The following PCDH17 variants were observed in gnomAD, a reference collection of about 807,000 sequenced individuals.
PCDH17 encodes the protein protocadherin-17.
In PCDH17, 21 loss-of-function variants were observed where a neutral mutation model predicts 67.7. That is an observed-to-expected ratio of 0.31 (90% CI 0.22 to 0.45). The LOEUF is 0.45. Ranked by LOEUF, PCDH17 falls within the 20% of genes least tolerant of loss-of-function variation. The pLI is 1.00. For synonymous variants in PCDH17, 701 were observed against 656.7 expected, an observed-to-expected ratio of 1.07 and a Z score of -1.03; for missense variants, 1,471 against 1,564.8, an observed-to-expected ratio of 0.94 and a Z score of 1.01.
chr13:57,690,021 A>G (rs188243645), intron 3 of PCDH17, among the ~76,000 whole-genome samples: 8 of 151,970 alleles, frequency 5.3e-5, no homozygotes, highest in Admixed American at 4.6e-4. Flanking sequence ...AATGTTCTTG[A>G]TGAAAACAAT....
chr13:57,634,985 G>A lies in PCDH17; in HGVS notation c.2439G>A (p.Val813=). The A allele has an allele frequency of 6.2e-7, 1 of 1,613,828 alleles. No homozygotes were observed. The highest frequency in any genetic ancestry group is 1.1e-5 in the South Asian group (1 of 91,064). The change falls in exon 1 of 4, where the codon GTG becomes GTA. Residue 813 remains valine, a synonymous_variant. Coordinates refer to ENST00000377918, the MANE Select transcript of PCDH17 (RefSeq NM_001040429.3). This position sits in a 1 kb window ranked among gnomAD's most constrained non-coding sequence, Gnocchi z 7.8. The part of the protein sequence containing the change: ...RLPLSSPRSE[V]MYLKPASNNL... ...CCCTCAGCTCGCCCCGGTCGGAGGT[G>A]ATGTATCTCAAACCGGCCTCCAACA...
At chr13:57,701,510 A>G (rs1955662557) in intron 3 of PCDH17, among the ~76,000 whole-genome samples, 2 of 135,926 alleles carry the variant, frequency 1.5e-5, no homozygotes, top group Non-Finnish European at 3.1e-5. Context: ...GAAGTATTTG[A>G]TTCTGATATT....
intron 1 of PCDH17, among the ~76,000 whole-genome samples, chr13:57,655,515 G>A (rs895585237): frequency 1.3e-5 from 2 of 151,578 alleles, no homozygotes; most frequent in Non-Finnish European, 3.0e-5. Flanking sequence ...CATAATGATG[G>A]GAAAAAAGTA....
At chr13:57,681,142 A>C (rs893783535) in intron 3 of PCDH17, among the ~76,000 whole-genome samples, 1 of 151,710 alleles carries the variant, frequency 6.6e-6, no homozygotes, top group Non-Finnish European at 1.5e-5. Flanking sequence ...TAACTCGCTC[A>C]TTTTGATGCC....
intron 1 of PCDH17, among the ~76,000 whole-genome samples, chr13:57,648,277 A>G (rs761115955): frequency 3.3e-5 from 5 of 151,898 alleles, no homozygotes; most frequent in Non-Finnish European, 7.4e-5. Context: ...TAAACCTATT[A>G]TCTTTTTAGA....
chr13:57,664,049 C>T (rs1284931420), intron 1 of PCDH17, among the ~76,000 whole-genome samples: 1 of 151,886 alleles, frequency 6.6e-6, no homozygotes, highest in Non-Finnish European at 1.5e-5. Flanking sequence ...GACAGGTGGG[C>T]GCCACCACAC....
chr13:57,722,870 A>G (rs2138104238), intron 3 of PCDH17, among the ~76,000 whole-genome samples: 1 of 152,266 alleles, frequency 6.6e-6, no homozygotes, highest in East Asian at 1.9e-4. Context: ...CAGACTCCCA[A>G]AGTGCTGGGA....
intron 3 of PCDH17, among the ~76,000 whole-genome samples, chr13:57,712,322 G>A (rs1482675567): frequency 6.6e-6 from 1 of 151,552 alleles, no homozygotes; most frequent in African/African-American, 2.4e-5. Flanking sequence ...CAGCAGAGAC[G>A]TTGTGATCCC....
At chr13:57,681,208 C>G (rs1468900878) in intron 3 of PCDH17, among the ~76,000 whole-genome samples, 1 of 151,684 alleles carries the variant, frequency 6.6e-6, no homozygotes, top group Non-Finnish European at 1.5e-5. Flanking sequence ...AACTTCCACT[C>G]TCATCCCTTT....
At chr13:57,712,992 A>G (rs2138091788) in intron 3 of PCDH17, among the ~76,000 whole-genome samples, 1 of 151,634 alleles carries the variant, frequency 6.6e-6, no homozygotes, top group Middle Eastern at 3.4e-3. Context: ...TTATCTCCAT[A>G]CTGCATGATG....
In PCDH17 at chr13:57,724,957, C is replaced by G. The variant is rs1229759041; in HGVS notation, c.3143C>G (p.Thr1048Ser). 1.2e-6 allele frequency: 2 copies of G among 1,614,078 alleles called. No individual in the cohort carries two copies. Among genetic ancestry groups the G allele is most frequent in the Non-Finnish European group, 1.7e-6 (2 of 1,180,038 alleles). ...SPTKACIEPC[T>S]STKGSLDGCE... ...ACCAAGGCGTGCATCGAGCCTTGCA[C>G]CTCAACAAAAGGCTCCCTGGATGGC... Residue 1048 changes from threonine (T) to serine (S), a missense_variant, in exon 4 of 4, where the codon ACC (threonine) becomes AGC (serine). Physicochemically the swap from Thr to Ser is moderately conservative, Grantham distance 58. Coordinates refer to ENST00000377918, the MANE Select transcript of PCDH17 (RefSeq NM_001040429.3).
chr13:57,661,209 G>A (rs1470669353), intron 1 of PCDH17, among the ~76,000 whole-genome samples: 1 of 152,092 alleles, frequency 6.6e-6, no homozygotes, highest in Non-Finnish European at 1.5e-5. Context: ...TAAATATATA[G>A]TGTCATTTTA....
At position 57,723,360 on chromosome 13, in the gene PCDH17, G is replaced by T. The variant is rs554989982; in HGVS notation, c.2798-1252G>T. Among the ~76,000 whole-genome samples the T allele has an allele frequency of 3.3e-5, 5 of 152,118 alleles. No individual in the cohort carries two copies. In the South Asian group the frequency reaches 1.0e-3, roughly 32 times the overall value. On this transcript the variant is annotated intron_variant, in intron 3 of 3. Coordinates refer to ENST00000377918, the MANE Select transcript of PCDH17 (RefSeq NM_001040429.3). Reference sequence around the variant, plus strand: ...TTTTAATGTAAATAATTATTTACATGCTTTAAGTATAAATTTAGGTTTCAT... The same window carrying T: ...TTTTAATGTAAATAATTATTTACATTCTTTAAGTATAAATTTAGGTTTCAT...
chr13:57,666,793 G>A lies in PCDH17; in HGVS notation c.2757G>A (p.Lys919=), dbSNP rs1376411830. The A allele has an allele frequency of 3.1e-6, 5 of 1,611,816 alleles. No individual in the cohort carries two copies. In the Admixed American group the frequency reaches 6.7e-5, roughly 22 times the overall value. ...CCDMSVREAL[K]MKTTSTKSQP... Reference sequence around the variant, plus strand: ...ACATGTCTGTTAGGGAGGCACTCAAGATGAAAACTACTTCAACTAAAAGCC... The same window carrying A: ...ACATGTCTGTTAGGGAGGCACTCAAAATGAAAACTACTTCAACTAAAAGCC... Residue 919 remains lysine, a synonymous_variant, in exon 3 of 4, where the codon AAG becomes AAA. Transcript: ENST00000377918.
intron 1 of PCDH17, among the ~76,000 whole-genome samples, chr13:57,655,766 C>T (rs1955094394): frequency 6.6e-6 from 1 of 151,784 alleles, no homozygotes; most frequent in Non-Finnish European, 1.5e-5. Context: ...AAAACAATAA[C>T]ATGAAGGTAT....
chr13:57,650,165 G>T (rs1471335105), intron 1 of PCDH17, among the ~76,000 whole-genome samples: 1 of 151,378 alleles, frequency 6.6e-6, no homozygotes, highest in African/African-American at 2.4e-5. Context: ...GTAAAAAAAA[G>T]AGTTTTTCAA....
intron 3 of PCDH17, among the ~76,000 whole-genome samples, chr13:57,678,520 A>G (rs1955416507): frequency 1.3e-5 from 2 of 151,692 alleles, no homozygotes; most frequent in South Asian, 4.1e-4. Flanking sequence ...ACATAAACAG[A>G]GATGTGGAAG....
Position 57,632,533 on chromosome 13 carries a change from C to A in PCDH17, c.-14C>A, listed in dbSNP as rs371779421. Reference sequence around the variant, plus strand: ...CCAGTCCGATTGCTCCTGCCCCCACCTTACAGGTCTGGGATGTACCTTTCC... The same window carrying A: ...CCAGTCCGATTGCTCCTGCCCCCACATTACAGGTCTGGGATGTACCTTTCC... On this transcript the variant is annotated 5_prime_UTR_variant, in exon 1 of 4. Transcript: ENST00000377918. 3.9e-5 allele frequency: 63 copies of A among 1,609,808 alleles called. No homozygotes were observed. In the Middle Eastern group the frequency reaches 5.0e-4, roughly 13 times the overall value.
In PCDH17 at chr13:57,682,594, G is replaced by A. The variant is rs960655381; in HGVS notation, c.2797+15761G>A. On this transcript the variant is annotated intron_variant, in intron 3 of 3. Coordinates refer to ENST00000377918, the MANE Select transcript of PCDH17 (RefSeq NM_001040429.3). ...TTCTTTTCTTTCTTAGGAAAGAGGC[G>A]TCTAGTGCTGAGACTGTTTTGTTGT... is the stretch of plus-strand genomic sequence containing the variant. Among the ~76,000 whole-genome samples, 13 of 151,874 alleles carry A rather than the reference G, an allele frequency of 8.6e-5. 1 individual carries two copies. The highest frequency in any genetic ancestry group is 3.3e-4 in the Admixed American group (5 of 15,176).
Sources: gnomAD v4.1 joint callset for allele counts (sites outside exome capture counted in the v4.1 genomes callset) on GRCh38, gnomAD v4.1.1 for gene constraint, Gnocchi (gnomAD v3.1) non-coding constraint, MANE v1.5 for transcripts, NCBI Gene and HGNC (gene_info 2026-07-23, HGNC 2026-07-21) for gene names.